The following ZNF185 variants were observed in gnomAD, a reference collection of about 807,000 sequenced individuals.
ZNF185 encodes zinc finger protein 185.
ZNF185 carries 56 observed loss-of-function variants against 58.6 expected under a neutral mutation model. The observed-to-expected ratio is 0.95, with a 90% CI of 0.77 to 1.19. ZNF185 has a LOEUF of 1.19. Ranked by LOEUF, ZNF185 falls within the 50% of genes most tolerant of loss-of-function variation. The pLI, the probability that ZNF185 is intolerant of heterozygous loss-of-function variation, is 0.00. For missense variants in ZNF185, 627 were observed against 573.5 expected, an observed-to-expected ratio of 1.09 and a Z score of -0.95; for synonymous variants, 230 against 215.9, an observed-to-expected ratio of 1.07 and a Z score of -0.57.
At chrX:152,931,701 C>A (rs1286676145) in exon 13 of ZNF185, 2 of 1,208,482 alleles carry the variant, frequency 1.7e-6, no homozygotes, top group Non-Finnish European at 2.2e-6. Context: ...GACAAGGAGG[C>A]CCCCTGCTCC....
upstream of ZNF185, among the ~76,000 whole-genome samples, chrX:152,911,694 T>C (rs1556861733): frequency 3.4e-5 from 1 of 29,359 alleles, no homozygotes; most frequent in Non-Finnish European, 6.0e-5. Context: ...CTACATCTCA[T>C]CCCATCCCAT....
At chrX:152,920,064 G>T (rs1051037025) in intron 7 of ZNF185, among the ~76,000 whole-genome samples, 8 of 113,385 alleles carry the variant, frequency 7.1e-5, no homozygotes, top group Non-Finnish European at 1.5e-4. Flanking sequence ...TTCCTGGATT[G>T]AGAAGAGCAA....
Position 152,924,809 on chromosome X carries a change from C to G in ZNF185, c.830+2000C>G, listed in dbSNP as rs782074948. Among the ~76,000 whole-genome samples the G allele has an allele frequency of 1.9e-4, 21 of 112,012 alleles. No homozygotes were observed. In the South Asian group the frequency reaches 6.7e-3, roughly 36 times the overall value. ...AAGCGATTCTTCTGCCTCAGCCTCC[C>G]GAGTAGCTGGGATTACAGGTGCACG... On this transcript the variant is annotated intron_variant, in intron 11 of 22. Transcript: ENST00000449285.
At chrX:152,964,388 C>T (rs1358307523) in intron 18 of ZNF185, among the ~76,000 whole-genome samples, 1 of 112,584 alleles carries the variant, frequency 8.9e-6, no homozygotes, top group Non-Finnish European at 1.9e-5. Flanking sequence ...CCAGCAGCTG[C>T]TTGGCTTCTG....
chrX:152,941,740 G>A, intron 15 of ZNF185: 14 of 1,165,019 alleles, frequency 1.2e-5, no homozygotes, highest in Non-Finnish European at 1.6e-5. Flanking sequence ...GGCCTCGGCG[G>A]GGATTCTCTT....
chrX:152,937,207 G>A (rs1003889344), intron 14 of ZNF185, among the ~76,000 whole-genome samples: 7 of 112,016 alleles, frequency 6.2e-5, no homozygotes, highest in Non-Finnish European at 1.3e-4. Context: ...GGGAATGGGT[G>A]GACGTGGGGC....
chrX:152,959,900 C>T lies in ZNF185; in HGVS notation c.1607+4C>T, dbSNP rs2049288608. 7 of 1,204,934 alleles carry T rather than the reference C, an allele frequency of 5.8e-6. No homozygotes were observed. Among genetic ancestry groups the T allele is most frequent in the South Asian group, 1.8e-5 (1 of 55,955 alleles). On this transcript the variant is annotated splice_donor_region_variant and intron_variant, in intron 17 of 22. Coordinates refer to ENST00000449285, the Ensembl canonical transcript of ZNF185. ...GACGAGAGAGCTGCACCAGCAGGTA[C>T]GAGCCAAACTGCACTGGGACCTTAC...
At chrX:152,929,674 T>C (rs1360122502) in intron 12 of ZNF185, among the ~76,000 whole-genome samples, 28 of 112,547 alleles carry the variant, frequency 2.5e-4, no homozygotes, top group African/African-American at 9.0e-4. Flanking sequence ...AGGCCTCCAC[T>C]GCTACTCACC....
At position 152,942,088 on chromosome X, in the gene ZNF185, G is replaced by T. The variant is rs186166582; in HGVS notation, c.1212-3179G>T. On this transcript the variant is annotated intron_variant, in intron 15 of 22. Transcript: ENST00000449285. ...ACGCTGGGCCCTCGGGCTGACCGGGGCTGGTCTGTGGGGCAGTGAGGAGGG... is the reference window on the plus strand; with the variant it reads ...ACGCTGGGCCCTCGGGCTGACCGGGTCTGGTCTGTGGGGCAGTGAGGAGGG... 4.2e-3 allele frequency among the ~76,000 whole-genome samples: 387 copies of T among 93,120 alleles called. 1 individual carries two copies. The highest frequency in any genetic ancestry group is 0.014 in the South Asian group (28 of 1,949). The allele number at this position is 93,120 out of a possible 115,157, so 80.9% of individuals were successfully genotyped here. A position where few individuals can be genotyped will look rare whatever the true frequency, so the allele number is the denominator to read the frequency against.
intron 11 of ZNF185, among the ~76,000 whole-genome samples, chrX:152,926,758 T>C (rs1014401075): frequency 3.6e-5 from 4 of 112,138 alleles, no homozygotes; most frequent in African/African-American, 1.3e-4. Flanking sequence ...ATTAGTTTAC[T>C]GGAGCTGCTG....
At chrX:152,919,380 G>T (rs1647258394) in intron 7 of ZNF185, among the ~76,000 whole-genome samples, 1 of 111,098 alleles carries the variant, frequency 9.0e-6, no homozygotes, top group African/African-American at 3.3e-5. Flanking sequence ...CGGTTTGTTA[G>T]AAAGGGCCCT....
chrX:152,941,836 G>A, intron 15 of ZNF185: 1 of 1,146,252 alleles, frequency 8.7e-7, no homozygotes, highest in Non-Finnish European at 1.2e-6. Flanking sequence ...CCCGCGTAAG[G>A]TCTGAAGCCG....
At chrX:152,925,250 G>A (rs1057469476) in intron 11 of ZNF185, among the ~76,000 whole-genome samples, 4 of 111,984 alleles carry the variant, frequency 3.6e-5, no homozygotes, top group African/African-American at 9.7e-5. Flanking sequence ...AGGCTGCAAT[G>A]AGCTGTGACC....
intron 20 of ZNF185, among the ~76,000 whole-genome samples, chrX:152,968,682 C>T (rs1183134033): frequency 2.7e-5 from 3 of 112,853 alleles, no homozygotes; most frequent in East Asian, 5.6e-4. Context: ...AATGTCCCCC[C>T]GCCCCTTGGG....
chrX:152,939,132 G>C (rs975455657), intron 15 of ZNF185, among the ~76,000 whole-genome samples: 3 of 112,241 alleles, frequency 2.7e-5, no homozygotes, highest in South Asian at 3.7e-4. Context: ...GGAGTCTCAT[G>C]TGATTTAGGT....
At chrX:152,922,030 T>C in intron 9 of ZNF185, 143 bp from the exon 11 acceptor site, 1 of 552,424 alleles carries the variant, frequency 1.8e-6, no homozygotes, top group South Asian at 3.0e-5. Flanking sequence ...CTGGAGTCAC[T>C]GAACCCCCAG....
At chrX:152,941,767 C>A (rs1436718883) in intron 15 of ZNF185, 6 of 1,163,329 alleles carry the variant, frequency 5.2e-6, no homozygotes, top group Non-Finnish European at 6.9e-6. Context: ...ATGCCCGTGC[C>A]GGCCGCCAGA....
Position 152,918,940 on chromosome X carries a change from G to C in ZNF185, c.432-43G>C, listed in dbSNP as rs782718732. ...GAAAGCCAGGAAGCCAAGCTGCTGAGGGTGGCAGCCTATGACAGGAAAGCG... is the reference window on the plus strand; with the variant it reads ...GAAAGCCAGGAAGCCAAGCTGCTGACGGTGGCAGCCTATGACAGGAAAGCG... On this transcript the variant is annotated intron_variant, in intron 6 of 22. Coordinates refer to ENST00000449285, the Ensembl canonical transcript of ZNF185. 5 of 1,052,974 alleles carry C rather than the reference G, an allele frequency of 4.7e-6. No homozygotes were observed. The South Asian group carries it at 9.7e-5, about 21-fold the overall frequency. 86.8% of individuals were successfully genotyped at this position (1,052,974 alleles called of 1,213,427 possible).
chrX:152,919,488 C>T (rs1939255386), intron 7 of ZNF185, among the ~76,000 whole-genome samples: 1 of 111,199 alleles, frequency 9.0e-6, no homozygotes, highest in African/African-American at 3.3e-5. Flanking sequence ...GCCCCGGACC[C>T]CAAACTGAGC....
Sources: gnomAD v4.1 joint callset for allele counts (sites outside exome capture counted in the v4.1 genomes callset) on GRCh38, gnomAD v4.1.1 for gene constraint, MANE v1.5 for transcripts, NCBI Gene and HGNC (gene_info 2026-07-23, HGNC 2026-07-21) for gene names.